BNC2: variants seen among roughly 807,000 people sequenced by gnomAD.
BNC2 encodes basonuclin zinc finger protein 2, also known as zinc finger protein basonuclin-2.
Under a neutral mutation model 76.3 loss-of-function variants are expected in BNC2, and 20 were observed. The ratio of observed to expected loss-of-function variants is 0.26; its 90% CI spans 0.18 to 0.38. The LOEUF is 0.38. Among genes scored for constraint, BNC2 ranks in the 10% least tolerant of loss-of-function variants. The pLI is 1.00. For missense variants in BNC2, 1,382 were observed against 1,399.8 expected (o/e 0.99, Z 0.20); for synonymous variants, 582 against 514.8 (o/e 1.13, Z -1.77).
At chr9:16,557,200 G>A (rs1235606885) in intron 4 of BNC2, among the ~76,000 whole-genome samples, 1 of 151,930 alleles carries the variant, frequency 6.6e-6, no homozygotes, top group Non-Finnish European at 1.5e-5. Flanking sequence ...CAATGGTATT[G>A]TTAAGATTCA....
chr9:16,511,072 T>C (rs1357978220), intron 5 of BNC2, among the ~76,000 whole-genome samples: 1 of 151,662 alleles, frequency 6.6e-6, no homozygotes, highest in Non-Finnish European at 1.5e-5. Context: ...ATGAAATCTT[T>C]CTCAGAAAAG....
intron 1 of BNC2, among the ~76,000 whole-genome samples, chr9:16,810,064 A>G (rs1263110218): frequency 6.6e-6 from 1 of 152,134 alleles, no homozygotes; most frequent in East Asian, 1.9e-4. Flanking sequence ...CCCCCTGCCT[A>G]CTGACCCATC....
intron 3 of BNC2, among the ~76,000 whole-genome samples, chr9:16,594,297 A>C (rs78728679): frequency 0.015 from 2,211 of 152,214 alleles, 76 homozygotes; most frequent in South Asian, 0.14. Context: ...AGTAACACAA[A>C]AGTTGTCCCA....
rs182584299 is a variant in BNC2, at chr9:16,702,443, T to C, written c.330+25354A>G. 3.2e-4 allele frequency among the ~76,000 whole-genome samples: 48 copies of C among 151,504 alleles called. No individual in the cohort carries two copies. The East Asian group carries it at 8.6e-3, about 27-fold the overall frequency. ...ACCAAAACTGGTAACACAGAAATGA[T>C]AGCATCACTCTGACATCCACAAAGA... On this transcript the variant is annotated intron_variant, in intron 3 of 6. Coordinates refer to ENST00000380672, the MANE Select transcript of BNC2 (RefSeq NM_017637.6).
intron 4 of BNC2, among the ~76,000 whole-genome samples, chr9:16,575,915 T>C (rs1041453226): frequency 2.0e-5 from 3 of 152,218 alleles, no homozygotes; most frequent in Non-Finnish European, 4.4e-5. Context: ...CTGGAAAAAC[T>C]AAGTCCACTA....
chr9:16,482,541 G>A (rs1198460036), intron 5 of BNC2, among the ~76,000 whole-genome samples: 1 of 152,226 alleles, frequency 6.6e-6, no homozygotes, highest in Non-Finnish European at 1.5e-5. Context: ...AGCTAGCACC[G>A]ATGAAGGTGA....
intron 3 of BNC2, among the ~76,000 whole-genome samples, chr9:16,659,422 A>G (rs1822037879): frequency 6.6e-6 from 1 of 152,064 alleles, no homozygotes; most frequent in Non-Finnish European, 1.5e-5. Context: ...ATCCTGGCCA[A>G]CATGGTGAAA....
At chr9:16,755,812 G>A (rs1825368577) in intron 1 of BNC2, among the ~76,000 whole-genome samples, 1 of 152,118 alleles carries the variant, frequency 6.6e-6, no homozygotes, top group Non-Finnish European at 1.5e-5. Flanking sequence ...TTGAGGGCTT[G>A]GAAAATGATT....
chr9:16,688,755 T>C (rs1281482009), intron 3 of BNC2, among the ~76,000 whole-genome samples: 1 of 152,184 alleles, frequency 6.6e-6, no homozygotes, highest in Non-Finnish European at 1.5e-5. Flanking sequence ...ACAGGTTTAA[T>C]TATGGAATAA....
At chr9:16,812,767 A>G (rs1330151473) in intron 1 of BNC2, among the ~76,000 whole-genome samples, 5 of 152,210 alleles carry the variant, frequency 3.3e-5, no homozygotes, top group African/African-American at 1.2e-4. Context: ...GTTTAGCTAT[A>G]ACTTCTGAAA....
At chr9:16,852,177 C>T (rs1478748493) in intron 1 of BNC2, among the ~76,000 whole-genome samples, 1 of 152,134 alleles carries the variant, frequency 6.6e-6, no homozygotes, top group Non-Finnish European at 1.5e-5. Flanking sequence ...TCTATCCAGT[C>T]TCAGTTTTTT....
intron 1 of BNC2, among the ~76,000 whole-genome samples, chr9:16,837,085 T>C (rs142823243): frequency 1.2e-3 from 188 of 152,356 alleles, no homozygotes; most frequent in African/African-American, 4.2e-3. Flanking sequence ...CAAATTTTTA[T>C]AAGCATAGAG....
intron 1 of BNC2, among the ~76,000 whole-genome samples, chr9:16,755,675 T>A (rs895395508): frequency 2.0e-5 from 3 of 152,266 alleles, no homozygotes; most frequent in African/African-American, 4.8e-5. Flanking sequence ...AATGCACTCC[T>A]GTCATTTCCG....
intron 4 of BNC2, among the ~76,000 whole-genome samples, chr9:16,555,691 A>C (rs1248173419): frequency 6.6e-6 from 1 of 152,100 alleles, no homozygotes; most frequent in African/African-American, 2.4e-5. Context: ...GCTACTCGGG[A>C]TGCTGGAGTA....
intron 4 of BNC2, among the ~76,000 whole-genome samples, chr9:16,555,549 C>A (rs913381930): frequency 1.3e-5 from 2 of 152,110 alleles, no homozygotes; most frequent in African/African-American, 4.8e-5. Flanking sequence ...GTAATCCCAG[C>A]ACTTTGGGAG....
Position 16,690,853 on chromosome 9 carries a change from G to A in BNC2, c.330+36944C>T, listed in dbSNP as rs568554901. Among the ~76,000 whole-genome samples the A allele has an allele frequency of 2.6e-5, 4 of 152,296 alleles. No individual in the cohort carries two copies. In the South Asian group the frequency reaches 8.3e-4, roughly 32 times the overall value. ...ACACAGAAGGTGACGGAGGTGGGGG[G>A]ATGCCAGGGTGCGGGGTGGAGCAGG... On this transcript the variant is annotated intron_variant, in intron 3 of 6. Transcript: ENST00000380672.
chr9:16,540,883 G>C (rs1818299794), intron 5 of BNC2, among the ~76,000 whole-genome samples: 1 of 152,156 alleles, frequency 6.6e-6, no homozygotes. Flanking sequence ...TCTCAGACCT[G>C]AGGAAAAGCA....
At chr9:16,423,858 G>T (rs1251025240) in intron 6 of BNC2, among the ~76,000 whole-genome samples, 1 of 152,160 alleles carries the variant, frequency 6.6e-6, no homozygotes, top group South Asian at 2.1e-4. Flanking sequence ...TTTCTATACT[G>T]TGAATCTACC....
chr9:16,428,949 A>C (rs73645972), intron 6 of BNC2, among the ~76,000 whole-genome samples: 6,993 of 152,286 alleles, frequency 0.046, 510 homozygotes, highest in African/African-American at 0.15. Flanking sequence ...TTTCCTAAAA[A>C]GTATTCTTTC....
Sources: gnomAD v4.1 joint callset for allele counts (sites outside exome capture counted in the v4.1 genomes callset) on GRCh38, gnomAD v4.1.1 for gene constraint, MANE v1.5 for transcripts, NCBI Gene and HGNC (gene_info 2026-07-23, HGNC 2026-07-21) for gene names.